ATP2B2: variants seen among roughly 807,000 people sequenced by gnomAD.
ATP2B2 encodes ATPase plasma membrane Ca2+ transporting 2.
ATP2B2 carries 15 observed loss-of-function variants against 120.0 expected under a neutral mutation model. The ratio of observed to expected loss-of-function variants is 0.12; its 90% CI spans 0.08 to 0.19. ATP2B2 has a LOEUF of 0.19. Ranked by LOEUF, ATP2B2 falls within the 10% of genes least tolerant of loss-of-function variation. ATP2B2 has a pLI of 1.00. For synonymous variants in ATP2B2, 694 were observed against 700.3 expected, an observed-to-expected ratio of 0.99 and a Z score of 0.14; for missense variants, 1,045 against 1,719.8, an observed-to-expected ratio of 0.61 and a Z score of 6.94.
chr3:10,397,839 C>T (rs1009643027), intron 5 of ATP2B2, among the ~76,000 whole-genome samples: 6 of 152,194 alleles, frequency 3.9e-5, no homozygotes, highest in African/African-American at 1.4e-4. Flanking sequence ...ACGGGGAACT[C>T]ACTCTCTTAC....
At chr3:10,554,446 C>T (rs766640530) in intron 2 of ATP2B2, among the ~76,000 whole-genome samples, 120 of 152,310 alleles carry the variant, frequency 7.9e-4, no homozygotes, top group Non-Finnish European at 1.6e-3. Context: ...CCTGGATGAT[C>T]TGGGTGGGCC....
chr3:10,475,881 C>G (rs2065185566), intron 1 of ATP2B2, among the ~76,000 whole-genome samples: 1 of 152,150 alleles, frequency 6.6e-6, no homozygotes, highest in South Asian at 2.1e-4. Context: ...GAAGGTGATT[C>G]AGACAAAAGC....
chr3:10,522,747 G>T (rs1375077050), intron 3 of ATP2B2, among the ~76,000 whole-genome samples: 1 of 152,214 alleles, frequency 6.6e-6, no homozygotes, highest in African/African-American at 2.4e-5. Context: ...GCAGCCTGGG[G>T]CAGGTGTCCT....
intron 21 of ATP2B2, among the ~76,000 whole-genome samples, chr3:10,339,435 G>A (rs890567028): frequency 6.6e-6 from 1 of 152,184 alleles, no homozygotes; most frequent in East Asian, 1.9e-4. Flanking sequence ...GAGCACCTTG[G>A]GAATCAGGCC....
At chr3:10,484,037 G>A (rs1441600997) in intron 1 of ATP2B2, among the ~76,000 whole-genome samples, 1 of 152,216 alleles carries the variant, frequency 6.6e-6, no homozygotes, top group Non-Finnish European at 1.5e-5. Context: ...TGCTTGCTTT[G>A]TGACCTTGAG....
chr3:10,615,122 ACC>A (rs1476160386), intron 2 of ATP2B2, among the ~76,000 whole-genome samples: 1 of 152,080 alleles, frequency 6.6e-6, no homozygotes, highest in Non-Finnish European at 1.5e-5. Context: ...GGCAGGAAGC[ACC>A]CTAAACCACT....
chr3:10,678,783 C>T (rs549452839), intron 1 of ATP2B2, among the ~76,000 whole-genome samples: 1 of 152,322 alleles, frequency 6.6e-6, no homozygotes, highest in South Asian at 2.1e-4. Flanking sequence ...AATTCTAAAT[C>T]ATCCCCCAGA....
At chr3:10,472,634 C>T (rs999875537) in intron 1 of ATP2B2, among the ~76,000 whole-genome samples, 38 of 152,332 alleles carry the variant, frequency 2.5e-4, no homozygotes, top group Non-Finnish European at 2.1e-4. Flanking sequence ...TCCAATGTCA[C>T]TTCTGGGAGG....
intron 1 of ATP2B2, among the ~76,000 whole-genome samples, chr3:10,649,455 A>G (rs1157899442): frequency 6.6e-6 from 1 of 152,192 alleles, no homozygotes; most frequent in East Asian, 1.9e-4. Context: ...TCCTTCTGCC[A>G]ATTTCTCTGA....
intron 3 of ATP2B2, among the ~76,000 whole-genome samples, chr3:10,524,638 C>T (rs1186138300): frequency 6.6e-6 from 1 of 152,176 alleles, no homozygotes; most frequent in African/African-American, 2.4e-5. Context: ...GCTCTCCTTC[C>T]CTCTTCTATT....
intron 2 of ATP2B2, among the ~76,000 whole-genome samples, chr3:10,441,903 C>A (rs2063680286): frequency 6.6e-6 from 1 of 152,160 alleles, no homozygotes; most frequent in South Asian, 2.1e-4. Flanking sequence ...GACTTAAGGA[C>A]TTAGAAGGTG....
At chr3:10,452,712 G>C (rs1331976378) in intron 1 of ATP2B2, among the ~76,000 whole-genome samples, 1 of 152,184 alleles carries the variant, frequency 6.6e-6, no homozygotes, top group Admixed American at 6.5e-5. Context: ...CCCCGCTGGA[G>C]GGGTGAGCGC....
At chr3:10,368,894 A>G (rs1368042725) in intron 12 of ATP2B2, among the ~76,000 whole-genome samples, 1 of 152,092 alleles carries the variant, frequency 6.6e-6, no homozygotes, top group African/African-American at 2.4e-5. Flanking sequence ...TTTATCCATC[A>G]GTCCATTCAC....
intron 2 of ATP2B2, among the ~76,000 whole-genome samples, chr3:10,555,763 T>C (rs574913870): frequency 6.6e-6 from 1 of 152,300 alleles, no homozygotes; most frequent in Non-Finnish European, 1.5e-5. Context: ...AGAGTGAGCA[T>C]GCAGCAAAAG....
chr3:10,661,987 C>A (rs2070793925), intron 1 of ATP2B2, among the ~76,000 whole-genome samples: 1 of 152,062 alleles, frequency 6.6e-6, no homozygotes, highest in Admixed American at 6.6e-5. Context: ...CTGACAAAAA[C>A]AAGAAATGGG....
intron 1 of ATP2B2, among the ~76,000 whole-genome samples, chr3:10,464,232 C>T (rs1268787061): frequency 6.6e-6 from 1 of 152,148 alleles, no homozygotes; most frequent in Non-Finnish European, 1.5e-5. Flanking sequence ...CTCCCCAGCG[C>T]AGCCGAGTCC....
rs558907785 is a variant in ATP2B2, at chr3:10,480,421, A to C, written c.-320+25044T>G. On this transcript the variant is annotated intron_variant, in intron 1 of 22. Coordinates refer to ENST00000360273, the MANE Select transcript of ATP2B2 (RefSeq NM_001001331.4). ...AACCCTCCTGGGGTATCTGGGCCTCAGTCTTCTCTCCATAAGCTGCCAGAT... is the reference window on the plus strand; with the variant it reads ...AACCCTCCTGGGGTATCTGGGCCTCCGTCTTCTCTCCATAAGCTGCCAGAT... Among the ~76,000 whole-genome samples, 4 of 152,292 alleles carry C rather than the reference A, an allele frequency of 2.6e-5. No individual in the cohort carries two copies. The East Asian group carries it at 7.7e-4, about 29-fold the overall frequency.
Position 10,501,942 on chromosome 3 carries a change from T to A in ATP2B2, c.-320+3523A>T, listed in dbSNP as rs1013150853. On this transcript the variant is annotated intron_variant, in intron 1 of 22. Transcript: ENST00000360273. ...TGGAAATGTAGCCCCTGGGACCTCC[T>A]GATTCATCAAGGTAGGGCCCAGAAA... 7.4e-4 allele frequency among the ~76,000 whole-genome samples: 112 copies of A among 152,334 alleles called. 1 individual carries two copies. The highest frequency in any genetic ancestry group is 2.6e-3 in the African/African-American group (107 of 41,578).
intron 1 of ATP2B2, among the ~76,000 whole-genome samples, chr3:10,484,220 G>A: frequency 6.6e-6 from 1 of 152,286 alleles, no homozygotes; most frequent in East Asian, 1.9e-4. Context: ...AACTCTGGAG[G>A]CATCTCCAGG....
Sources: allele counts gnomAD v4.1 joint callset (sites outside exome capture counted in the v4.1 genomes callset), GRCh38; gene constraint gnomAD v4.1.1; transcripts MANE v1.5; gene names NCBI Gene and HGNC (gene_info 2026-07-23, HGNC 2026-07-21).